LDHA: variants seen among roughly 807,000 people sequenced by gnomAD.
LDHA encodes L-lactate dehydrogenase A chain.
In LDHA, 10 loss-of-function variants were observed where a neutral mutation model predicts 36.3. The observed-to-expected ratio is 0.28, with a 90% CI of 0.17 to 0.47. The LOEUF (loss-of-function observed/expected upper bound fraction) is 0.47. Among genes scored for constraint, LDHA ranks in the 20% least tolerant of loss-of-function variants. LDHA has a pLI of 0.99. For synonymous variants in LDHA, 110 were observed against 136.7 expected (o/e 0.80, Z 1.36); for missense variants, 267 against 405.8 (o/e 0.66, Z 2.94).
At chr11:18,407,090 A>ACTTT (rs1866712703) in intron 7 of LDHA, 27 bp from the exon 8 acceptor site, 2 of 1,453,240 alleles carry the variant, frequency 1.4e-6, no homozygotes, top group Non-Finnish European at 1.9e-6. Flanking sequence ...AAAATGTGAG[A>ACTTT]TTTTTTTTTT....
At chr11:18,400,812 T>A (rs369570558) in intron 3 of LDHA, 25 bp from the exon 4 acceptor site, 12 of 1,602,262 alleles carry the variant, frequency 7.5e-6, no homozygotes, top group Non-Finnish European at 1.0e-5. Context: ...GGCCTTAATC[T>A]GGTCATTATT....
rs758200347 is a variant in LDHA, at chr11:18,408,359, A to G, written c.*1078A>G. 6 of 362,824 alleles carry G rather than the reference A, an allele frequency of 1.7e-5. No homozygotes were observed. Among genetic ancestry groups the G allele is most frequent in the Middle Eastern group, 9.4e-4 (1 of 1,060 alleles). 22.5% of individuals were successfully genotyped at this position (362,824 alleles called of 1,614,324 possible). A position where few individuals can be genotyped will look rare whatever the true frequency, so the allele number is the denominator to read the frequency against. On this transcript the variant is annotated 3_prime_UTR_variant, in exon 8 of 8. Coordinates refer to ENST00000422447, the MANE Select transcript of LDHA (RefSeq NM_005566.4). The stretch of plus-strand genomic sequence containing the variant: ...AAACAAAACAAAACCAAAAAAAACA[A>G]GTAACCTTGGTGGATGTCTACTCAA...
chr11:18,405,326 T>C, intron 6 of LDHA, 123 bp from the exon 7 acceptor site: 1 of 981,490 alleles, frequency 1.0e-6, no homozygotes, highest in South Asian at 1.3e-5. Flanking sequence ...CAAGGGTTAT[T>C]CTTGGTATAA....
chr11:18,408,364 C>T lies in LDHA; in HGVS notation c.*1083C>T, dbSNP rs184854190. On this transcript the variant is annotated 3_prime_UTR_variant, in exon 8 of 8. Transcript: ENST00000422447. ...AAACAAAACCAAAAAAAACAAGTAACCTTGGTGGATGTCTACTCAAGTTTT... is the reference window on the plus strand; with the variant it reads ...AAACAAAACCAAAAAAAACAAGTAATCTTGGTGGATGTCTACTCAAGTTTT... The T allele has an allele frequency of 3.3e-4, 119 of 360,234 alleles. No homozygotes were observed. The highest frequency in any genetic ancestry group is 9.7e-4 in the Middle Eastern group (1 of 1,028). 22.3% of individuals were successfully genotyped at this position (360,234 alleles called of 1,614,324 possible).
In LDHA at chr11:18,400,755, G is replaced by A. The variant is rs773547533; in HGVS notation, c.245-82G>A. The A allele has an allele frequency of 7.1e-6, 7 of 979,562 alleles. No homozygotes were observed. The South Asian group carries it at 7.9e-5, about 11-fold the overall frequency. 60.7% of individuals were successfully genotyped at this position (979,562 alleles called of 1,614,324 possible). ...TCTAAGAACAAGAAAGGTTTGTGGA[G>A]CATTTATGGAACAAATTTTTGCTGC... On this transcript the variant is annotated intron_variant, in intron 3 of 7. Transcript: ENST00000422447.
At chr11:18,405,360 T>C (rs1454581914) in intron 6 of LDHA, 89 bp from the exon 7 acceptor site, 14 of 1,307,594 alleles carry the variant, frequency 1.1e-5, no homozygotes, top group Non-Finnish European at 1.5e-5. Context: ...CATTATTTAC[T>C]GTAAAATGTG....
In LDHA at chr11:18,403,709, G is replaced by C. The variant is rs34305721; in HGVS notation, c.608G>C (p.Gly203Ala). Residue 203 changes from glycine to alanine, a missense_variant, in exon 6 of 8, where the codon GGA (glycine) becomes GCA (alanine). Coordinates refer to ENST00000422447, the MANE Select transcript of LDHA (RefSeq NM_005566.4). ...TTTCTTTTAGTGCCTGTATGGAGTGGAATGAATGTTGCTGGTGTCTCTCTG... is the reference window on the plus strand; with the variant it reads ...TTTCTTTTAGTGCCTGTATGGAGTGCAATGAATGTTGCTGGTGTCTCTCTG... ...HGDSSVPVWSGMNVAGVSLKT... is the reference protein window; with the variant it reads ...HGDSSVPVWSAMNVAGVSLKT... The C allele has an allele frequency of 9.7e-4, 1,544 of 1,590,626 alleles. 20 individuals carry two copies. The Admixed American group carries it at 0.019, about 20-fold the overall frequency.
chr11:18,403,511 G>A (rs1156290878), intron 5 of LDHA, among the ~76,000 whole-genome samples, 183 bp from the exon 6 acceptor site: 1 of 152,136 alleles, frequency 6.6e-6, no homozygotes, highest in Non-Finnish European at 1.5e-5. Flanking sequence ...AAAATTCTTA[G>A]TTTTACATAA....
chr11:18,395,310 T>TTTTAA, intron 1 of LDHA: 2 of 153,694 alleles, frequency 1.3e-5, no homozygotes, highest in South Asian at 4.0e-4. Flanking sequence ...CAACTCCTCC[T>TTTTAA]TTTAACAAAT....
At chr11:18,400,650 A>C (rs1270991868) in intron 3 of LDHA, 187 bp from the exon 4 acceptor site, 1 of 675,428 alleles carries the variant, frequency 1.5e-6, no homozygotes, top group Admixed American at 2.1e-5. Context: ...TTGTAGTTAC[A>C]TAAAGTTACA....
chr11:18,396,577 C>T (rs769816031), intron 1 of LDHA: 13 of 1,384,540 alleles, frequency 9.4e-6, no homozygotes, highest in Admixed American at 6.8e-5. Flanking sequence ...GCTATACTTA[C>T]ACCCAAACGT....
intron 4 of LDHA, chr11:18,402,395 G>A (rs1304000911): frequency 5.5e-6 from 1 of 182,046 alleles, no homozygotes; most frequent in Admixed American, 5.5e-5. Flanking sequence ...CTAGGCTCAG[G>A]TGATCCTTCT....
At position 18,403,019 on chromosome 11, in the gene LDHA, C is replaced by T; in HGVS notation, c.592+6C>T. On this transcript the variant is annotated splice_donor_region_variant and intron_variant, in intron 5 of 7. Coordinates refer to ENST00000422447, the MANE Select transcript of LDHA (RefSeq NM_005566.4). ...GGAACATGGAGATTCCAGTGGTAAG[C>T]ATAAGTTATTTTCTTTTTGTTTTTG... 1 of 1,611,780 alleles carries T rather than the reference C, an allele frequency of 6.2e-7. No individual in the cohort carries two copies. Among genetic ancestry groups the T allele is most frequent in the Non-Finnish European group, 8.5e-7 (1 of 1,177,996 alleles).
At position 18,401,481 on chromosome 11, in the gene LDHA, T is replaced by TC. The variant is rs1369133696; in HGVS notation, c.418+471_418+472insC. ...TTGATTCATTTATTTTTCTTTTTTT[T>TC]TTTTTTTTTTTTTTGAGACGGAGTC... On this transcript the variant is annotated intron_variant, in intron 4 of 7. Coordinates refer to ENST00000422447, the MANE Select transcript of LDHA (RefSeq NM_005566.4). Among the ~76,000 whole-genome samples, 4 of 99,752 alleles carry TC rather than the reference T, an allele frequency of 4.0e-5. 1 individual carries two copies. Among genetic ancestry groups the TC allele is most frequent in the Non-Finnish European group, 8.4e-5 (4 of 47,414 alleles). The allele number at this position is 99,752 out of a possible 152,430, so 65.4% of individuals were successfully genotyped here. A position where few individuals can be genotyped will look rare whatever the true frequency, so the allele number is the denominator to read the frequency against.
At chr11:18,396,705 C>A (rs1252267120) in intron 1 of LDHA, 114 bp from the exon 2 acceptor site, 42 of 1,369,206 alleles carry the variant, frequency 3.1e-5, no homozygotes, top group Non-Finnish European at 4.1e-5. Context: ...TTAGTCATCT[C>A]TAGTGATTTA....
intron 1 of LDHA, chr11:18,395,040 C>T (rs913816597): frequency 5.0e-6 from 1 of 200,636 alleles, no homozygotes; most frequent in African/African-American, 2.4e-5. Flanking sequence ...AAAAAAGCCT[C>T]AGCTTGTCCG....
chr11:18,400,701 C>T (rs1456959915), intron 3 of LDHA, 136 bp from the exon 4 acceptor site: 3 of 709,690 alleles, frequency 4.2e-6, no homozygotes, highest in Non-Finnish European at 7.6e-6. Flanking sequence ...CATGCTCTTC[C>T]TCCATTTAAG....
At position 18,396,914 on chromosome 11, in the gene LDHA, AGTT is replaced by A; in HGVS notation, c.77_79del (p.Val26del). On this transcript the variant is annotated inframe_deletion, in exon 2 of 8. Coordinates refer to ENST00000422447, the MANE Select transcript of LDHA (RefSeq NM_005566.4). ...AACAGACCCCCCAGAATAAGATTAC[AGTT>A]GTTGGGGTTGGTGCTGTTGGCATGG... 6.2e-7 allele frequency: 1 copy of A among 1,613,968 alleles called. No individual in the cohort carries two copies. Among genetic ancestry groups the A allele is most frequent in the Non-Finnish European group, 8.5e-7 (1 of 1,179,884 alleles).
chr11:18,403,910 GT>G, intron 6 of LDHA, 99 bp downstream of exon 6: 8 of 790,148 alleles, frequency 1.0e-5, no homozygotes, highest in African/African-American at 8.6e-5. Flanking sequence ...AGAACTTTTT[GT>G]TAGAAAACTT....
Sources: gnomAD v4.1 joint callset for allele counts (sites outside exome capture counted in the v4.1 genomes callset) on GRCh38, gnomAD v4.1.1 for gene constraint, MANE v1.5 for transcripts, NCBI Gene and HGNC (gene_info 2026-07-23, HGNC 2026-07-21) for gene names.